FBXO11: variants seen among roughly 807,000 people sequenced by gnomAD.
The protein encoded by FBXO11 is F-box only protein 11.
FBXO11 carries 13 observed loss-of-function variants against 117.0 expected under a neutral mutation model. The ratio of observed to expected loss-of-function variants is 0.11; its 90% CI spans 0.07 to 0.18. The LOEUF (loss-of-function observed/expected upper bound fraction) is 0.18. FBXO11 is among the 10% of genes least tolerant of loss of function. FBXO11 has a pLI of 1.00. For synonymous variants in FBXO11, 490 were observed against 380.5 expected (o/e 1.29, Z -3.35); for missense variants, 767 against 1,164.4 (o/e 0.66, Z 4.97).
In FBXO11 at chr2:47,807,833, C is replaced by CTT; in HGVS notation, c.*283_*284dup. The CTT allele has an allele frequency of 3.3e-6, 1 of 300,242 alleles. No homozygotes were observed. The allele number at this position is 300,242 out of a possible 1,614,324, so 18.6% of individuals were successfully genotyped here. On this transcript the variant is annotated 3_prime_UTR_variant, in exon 23 of 23. Coordinates refer to ENST00000403359, the MANE Select transcript of FBXO11 (RefSeq NM_001190274.2). Reference sequence around the variant, plus strand: ...TCAATGCTAGTTGTAAAAACACCAGCTTTTCAGAAGTTGGTATCTGTACAA... The same window carrying CTT: ...TCAATGCTAGTTGTAAAAACACCAGCTTTTTTCAGAAGTTGGTATCTGTACAA...
Position 47,811,142 on chromosome 2 carries a change from T to TG in FBXO11, c.2228-717_2228-716insC, listed in dbSNP as rs1670584004. On this transcript the variant is annotated intron_variant, in intron 18 of 22. Coordinates refer to ENST00000403359, the MANE Select transcript of FBXO11 (RefSeq NM_001190274.2). The stretch of plus-strand genomic sequence containing the variant: ...GTCCTCCTCCTGTTCACTCCCTGGG[T>TG]ATTAATATTTCTGGGTTCTGTCCCT... The TG allele has an allele frequency of 2.0e-5, 3 of 152,356 alleles. No individual in the cohort carries two copies. The East Asian group carries it at 5.8e-4, about 29-fold the overall frequency. The allele number at this position is 152,356 out of a possible 1,614,324, so 9.4% of individuals were successfully genotyped here. A position where few individuals can be genotyped will look rare whatever the true frequency, so the allele number is the denominator to read the frequency against.
At chr2:47,878,886 G>C (rs912793501) in intron 1 of FBXO11, among the ~76,000 whole-genome samples, 1 of 151,970 alleles carries the variant, frequency 6.6e-6, no homozygotes, top group Non-Finnish European at 1.5e-5. Flanking sequence ...GGCTGAGGCA[G>C]GAGAATCACT....
At chr2:47,835,191 C>A (rs988214160) in intron 5 of FBXO11, among the ~76,000 whole-genome samples, 1 of 152,170 alleles carries the variant, frequency 6.6e-6, no homozygotes, top group Non-Finnish European at 1.5e-5. Context: ...CAGCAGCACA[C>A]TCTCCTCCCA....
intron 1 of FBXO11, among the ~76,000 whole-genome samples, chr2:47,858,399 A>G (rs943313444): frequency 6.6e-6 from 1 of 150,644 alleles, no homozygotes; most frequent in Non-Finnish European, 1.5e-5. Flanking sequence ...AACATAATAC[A>G]GGCCAGGCGT....
At chr2:47,847,194 G>A (rs74645414) in intron 1 of FBXO11, among the ~76,000 whole-genome samples, 10,994 of 152,150 alleles carry the variant, frequency 0.072, 561 homozygotes, top group Non-Finnish European at 0.11. Flanking sequence ...GCAGTGAGCC[G>A]ACATTGTGCA....
rs1043499819 is a variant in FBXO11 at position 47,876,691 on chromosome 2, A to G, written c.232+28798T>C. Reference sequence around the variant, plus strand: ...AAGCTTTTATGTTTTATGATCTGCAATTTCACTTTTGAGCATCTAGAAGAT... The same window carrying G: ...AAGCTTTTATGTTTTATGATCTGCAGTTTCACTTTTGAGCATCTAGAAGAT... On this transcript the variant is annotated intron_variant, in intron 1 of 22. Transcript: ENST00000403359. Among the ~76,000 whole-genome samples the G allele has an allele frequency of 2.6e-4, 39 of 152,166 alleles. 1 individual carries two copies. The highest frequency in any genetic ancestry group is 8.0e-4 in the African/African-American group (33 of 41,438).
chr2:47,893,158 A>G (rs947284807), intron 1 of FBXO11, among the ~76,000 whole-genome samples: 1 of 149,610 alleles, frequency 6.7e-6, no homozygotes, highest in Non-Finnish European at 1.5e-5. Context: ...TGTCTCAAAA[A>G]AAATAAATTA....
chr2:47,866,955 T>C (rs376804102), intron 1 of FBXO11, among the ~76,000 whole-genome samples: 2 of 152,302 alleles, frequency 1.3e-5, no homozygotes, highest in Non-Finnish European at 2.9e-5. Context: ...CTGGCATCTT[T>C]TATATGTACT....
intron 1 of FBXO11, among the ~76,000 whole-genome samples, chr2:47,875,637 T>A (rs1675945718): frequency 6.6e-6 from 1 of 152,134 alleles, no homozygotes; most frequent in Non-Finnish European, 1.5e-5. Context: ...AAGGGTCTAA[T>A]GGACTCATAT....
rs1021555866 is a variant in FBXO11, at chr2:47,898,234, T to G, written c.232+7255A>C. On this transcript the variant is annotated intron_variant, in intron 1 of 22. Transcript: ENST00000403359. The stretch of plus-strand genomic sequence containing the variant: ...AAAGGAAAATAAACATTTTTGATAT[T>G]TGCCTTCAACTGAAATAAATCATGT... Among the ~76,000 whole-genome samples the G allele has an allele frequency of 2.0e-5, 3 of 152,254 alleles. No homozygotes were observed. In the East Asian group the frequency reaches 5.8e-4, roughly 29 times the overall value.
At position 47,842,015 on chromosome 2, in the gene FBXO11, A is replaced by C. The variant is rs541513451; in HGVS notation, c.233-2246T>G. Among the ~76,000 whole-genome samples, 174 of 146,894 alleles carry C rather than the reference A, an allele frequency of 1.2e-3. 1 individual carries two copies. The highest frequency in any genetic ancestry group is 2.3e-3 in the Admixed American group (34 of 14,686). On this transcript the variant is annotated intron_variant, in intron 1 of 22. Transcript: ENST00000403359. ...GGGGAAGGAGGAGAATATCAGTTTT[A>C]TTTTTATTTTTTTTTTTTGAGACAG...
At chr2:47,874,544 A>C (rs986858105) in intron 1 of FBXO11, among the ~76,000 whole-genome samples, 1 of 152,122 alleles carries the variant, frequency 6.6e-6, no homozygotes, top group Non-Finnish European at 1.5e-5. Flanking sequence ...TAAAAAAAAA[A>C]ACAATTTTGA....
intron 1 of FBXO11, among the ~76,000 whole-genome samples, chr2:47,845,908 G>T (rs561330600): frequency 2.0e-5 from 3 of 150,022 alleles, no homozygotes; most frequent in South Asian, 4.2e-4. Flanking sequence ...AACCAAACAA[G>T]AACTGCCTTA....
intron 16 of FBXO11, chr2:47,814,084 T>C (rs1345483643): frequency 2.2e-6 from 1 of 453,296 alleles, no homozygotes; most frequent in East Asian, 3.8e-5. Context: ...TTGTAGAGTT[T>C]CCTAACATGT....
At chr2:47,882,578 A>C (rs1189037544) in intron 1 of FBXO11, among the ~76,000 whole-genome samples, 3 of 152,178 alleles carry the variant, frequency 2.0e-5, no homozygotes, top group African/African-American at 7.2e-5. Flanking sequence ...TCCATTTTTT[A>C]AAATCCCTGT....
chr2:47,830,692 C>T (rs1049555630), intron 11 of FBXO11, among the ~76,000 whole-genome samples: 1 of 152,024 alleles, frequency 6.6e-6, no homozygotes, highest in African/African-American at 2.4e-5. Context: ...TATTTACAAG[C>T]CCAAATCTAT....
At chr2:47,859,933 T>C (rs951227449) in intron 1 of FBXO11, among the ~76,000 whole-genome samples, 1 of 152,202 alleles carries the variant, frequency 6.6e-6, no homozygotes, top group African/African-American at 2.4e-5. Context: ...TAGTTTGAGA[T>C]TCTCATGAAA....
intron 1 of FBXO11, among the ~76,000 whole-genome samples, chr2:47,873,282 G>T (rs913091218): frequency 4.6e-5 from 7 of 152,130 alleles, no homozygotes; most frequent in African/African-American, 1.7e-4. Flanking sequence ...TCTGTATCTG[G>T]TATTTCTCTC....
At chr2:47,859,342 G>A (rs1674575451) in intron 1 of FBXO11, among the ~76,000 whole-genome samples, 1 of 152,124 alleles carries the variant, frequency 6.6e-6, no homozygotes, top group South Asian at 2.1e-4. Context: ...GAGAACTTGT[G>A]CCAAAGTCAA....
Sources: allele counts gnomAD v4.1 joint callset (sites outside exome capture counted in the v4.1 genomes callset), GRCh38; gene constraint gnomAD v4.1.1; transcripts MANE v1.5; gene names NCBI Gene and HGNC (gene_info 2026-07-23, HGNC 2026-07-21).